GRIP2: variants seen among roughly 807,000 people sequenced by gnomAD.
GRIP2 encodes glutamate receptor-interacting protein 2.
Under a neutral mutation model 108.3 loss-of-function variants are expected in GRIP2, and 58 were observed. The observed-to-expected ratio is 0.54, with a 90% confidence interval of 0.43 to 0.67. The LOEUF is 0.67. GRIP2 is among the 30% of genes least tolerant of loss of function. The pLI is 0.00. For synonymous variants in GRIP2, 586 were observed against 598.2 expected (o/e 0.98, Z 0.30); for missense variants, 1,278 against 1,430.6 (o/e 0.89, Z 1.72).
rs923608243 is a variant in GRIP2 at position 14,490,957 on chromosome 3, G to A, written c.*2708C>T. The A allele has an allele frequency of 6.6e-6, 1 of 152,202 alleles. No homozygotes were observed. Among genetic ancestry groups the A allele is most frequent in the East Asian group, 1.9e-4 (1 of 5,184 alleles). The allele number at this position is 152,202 out of a possible 1,614,324, so 9.4% of individuals were successfully genotyped here. The stretch of plus-strand genomic sequence containing the variant: ...TGCCTTTTGAAATAATTATTTATTT[G>A]CTTACTTGTTGATTGTCTGCCTGCC... On this transcript the variant is annotated 3_prime_UTR_variant, in exon 24 of 24. Coordinates refer to ENST00000621039, the MANE Select transcript of GRIP2 (RefSeq NM_001080423.4).
chr3:14,493,918 C>T lies in GRIP2; in HGVS notation c.2971-92G>A, dbSNP rs1693491078. The T allele has an allele frequency of 2.9e-6, 4 of 1,373,812 alleles. No homozygotes were observed. The East Asian group carries it at 9.9e-5, about 34-fold the overall frequency. The allele number at this position is 1,373,812 out of a possible 1,614,324, so 85.1% of individuals were successfully genotyped here. ...GGCATGTGATGTCCTAAAGATGGGTCCTGCCCCAGCCTTGACGCAAGCCCT... is the reference window on the plus strand; with the variant it reads ...GGCATGTGATGTCCTAAAGATGGGTTCTGCCCCAGCCTTGACGCAAGCCCT... On this transcript the variant is annotated intron_variant, in intron 23 of 23. Transcript: ENST00000621039.
chr3:14,573,276 CG>C, the GRIP2 span: 4 of 1,408,392 alleles, frequency 2.8e-6, no homozygotes, highest in African/African-American at 5.7e-5. Context: ...CACCTCTGCT[CG>C]GTACAGCAGG....
Position 14,496,545 on chromosome 3 carries a change from C to T in GRIP2, c.2695G>A (p.Gly899Ser). 14 of 1,600,682 alleles carry T rather than the reference C, an allele frequency of 8.7e-6. No individual in the cohort carries two copies. The highest frequency in any genetic ancestry group is 1.2e-5 in the Non-Finnish European group (14 of 1,174,636). ...TCGAGGGCCACCCTCTGCACGGTGCCCGTCATGATGGATGCCTGCAAGGAA... is the reference window on the plus strand; with the variant it reads ...TCGAGGGCCACCCTCTGCACGGTGCTCGTCATGATGGATGCCTGCAAGGAA... ...LRELEASIMT[G>S]TVQRVALEGR... Residue 899 changes from glycine to serine, a missense_variant, in exon 22 of 24, where the codon GGC (glycine) becomes AGC (serine). Gly to Ser is a moderately conservative substitution (Grantham distance 56). Transcript: ENST00000621039.
chr3:14,559,438 T>C (rs1275686322), upstream of GRIP2, among the ~76,000 whole-genome samples: 203 of 76,002 alleles, frequency 2.7e-3, no homozygotes, highest in African/African-American at 7.2e-3. Flanking sequence ...AAAGAATTTA[T>C]CAAAAAAAAA....
At position 14,514,278 on chromosome 3, in the gene GRIP2, G is replaced by A. The variant is rs1378070466; in HGVS notation, c.1493+14C>T. On this transcript the variant is annotated intron_variant, in intron 12 of 23. Transcript: ENST00000621039. ...AGAGTGGCAGGCTCAGTAGGGAGGG[G>A]GCAGGAGGCTCACCTCTCAGCCGGA... 5.8e-6 allele frequency: 9 copies of A among 1,539,204 alleles called. No homozygotes were observed. The Admixed American group carries it at 6.0e-5, about 10-fold the overall frequency.
chr3:14,582,418 C>T, the GRIP2 span, among the ~76,000 whole-genome samples: 2 of 152,186 alleles, frequency 1.3e-5, no homozygotes, highest in Admixed American at 6.5e-5. Flanking sequence ...GATTTAGGGA[C>T]ATCTGGATGG....
chr3:14,521,370 C>T lies in GRIP2; in HGVS notation c.712+272G>A, dbSNP rs888337060. On this transcript the variant is annotated intron_variant, in intron 7 of 23. Transcript: ENST00000621039. The surrounding 1 kb of genome is among the most constrained non-coding windows in gnomAD (Gnocchi z 5.1). ...ATAGCACTTATTGCCAACTGACATACACCATATCTTATCTATTCTGGATAC... is the reference window on the plus strand; with the variant it reads ...ATAGCACTTATTGCCAACTGACATATACCATATCTTATCTATTCTGGATAC... 58 of 408,630 alleles carry T rather than the reference C, an allele frequency of 1.4e-4. No homozygotes were observed. In the East Asian group the frequency reaches 2.0e-3, roughly 14 times the overall value. 25.3% of individuals were successfully genotyped at this position (408,630 alleles called of 1,614,324 possible).
At chr3:14,501,631 C>G (rs992154249) in intron 21 of GRIP2, among the ~76,000 whole-genome samples, 4 of 152,186 alleles carry the variant, frequency 2.6e-5, no homozygotes, top group Non-Finnish European at 2.9e-5. Flanking sequence ...ATTTCATTAT[C>G]TTAAAAATAC....
chr3:14,588,884 T>A, the GRIP2 span, among the ~76,000 whole-genome samples: 2 of 152,132 alleles, frequency 1.3e-5, no homozygotes, highest in African/African-American at 4.8e-5. Context: ...GGGCTATCCA[T>A]CCAGGGACCT....
chr3:14,500,760 T>C (rs1454513362), intron 21 of GRIP2, among the ~76,000 whole-genome samples: 1 of 152,074 alleles, frequency 6.6e-6, no homozygotes, highest in Admixed American at 6.5e-5. Context: ...TCTTAAAGGA[T>C]GAGCTCAGAA....
chr3:14,518,136 G>A (rs924269833), intron 9 of GRIP2, among the ~76,000 whole-genome samples: 12 of 152,234 alleles, frequency 7.9e-5, no homozygotes, highest in African/African-American at 2.9e-4. Context: ...AAGCCAGGCC[G>A]AGGCCCACTG....
In GRIP2 at chr3:14,505,653, T is replaced by C; in HGVS notation, c.2535A>G (p.Pro845=). 1 of 1,609,850 alleles carries C rather than the reference T, an allele frequency of 6.2e-7. No homozygotes were observed. The highest frequency in any genetic ancestry group is 8.5e-7 in the Non-Finnish European group (1 of 1,178,108). Residue 845 remains proline (P), a synonymous_variant, in exon 20 of 24, where the codon CCA becomes CCG. Coordinates refer to ENST00000621039, the MANE Select transcript of GRIP2 (RefSeq NM_001080423.4). This position sits in a 1 kb window ranked among gnomAD's most constrained non-coding sequence, Gnocchi z 4.2. ...CCCAATCATCCTCCTCCTCCTCCTCTGGAAAGCTCTCGTCAGCTGGGGTTG... is the reference window on the plus strand; with the variant it reads ...CCCAATCATCCTCCTCCTCCTCCTCCGGAAAGCTCTCGTCAGCTGGGGTTG... ...YTPTPADESF[P]EEEEEDDWEP... is the part of the protein sequence containing the mutation.
the GRIP2 span, among the ~76,000 whole-genome samples, chr3:14,600,610 G>A: frequency 6.6e-6 from 1 of 152,152 alleles, no homozygotes; most frequent in Non-Finnish European, 1.5e-5. Context: ...CCCTGTCCCT[G>A]CATCTATCCC....
At chr3:14,544,201 T>C (rs999798404), upstream of GRIP2, among the ~76,000 whole-genome samples, 29 of 151,988 alleles carry the variant, frequency 1.9e-4, no homozygotes, top group Admixed American at 2.0e-4. Context: ...TTGGAAGCGT[T>C]TTGCAAACTC....
chr3:14,526,518 C>T (rs150264397), intron 1 of GRIP2, among the ~76,000 whole-genome samples: 3 of 152,322 alleles, frequency 2.0e-5, no homozygotes, highest in East Asian at 1.9e-4. Context: ...CATTCTCAGG[C>T]GTTCTAGGCA....
chr3:14,514,377 G>A lies in GRIP2; in HGVS notation c.1408C>T (p.Gln470Ter). The A allele has an allele frequency of 3.8e-6, 6 of 1,576,386 alleles. No homozygotes were observed. The highest frequency in any genetic ancestry group is 5.2e-6 in the Non-Finnish European group (6 of 1,162,184). ...CGDPLSGFGL[Q>*]LQGGIFATET... is the part of the protein sequence containing the mutation. The stretch of plus-strand genomic sequence containing the variant: ...GTGGCGAAGATGCCGCCCTGGAGCT[G>A]GAGGCCAAAGCCGCTGAGGGGGTCT... The change falls in exon 12 of 24, where the codon CAG (glutamine) becomes TAG (stop). Residue 470 changes from glutamine to a stop codon, truncating the protein, a stop_gained. Coordinates refer to ENST00000621039, the MANE Select transcript of GRIP2 (RefSeq NM_001080423.4). LOFTEE classifies it high-confidence loss of function.
Position 14,524,393 on chromosome 3 carries a change from C to T in GRIP2, c.403G>A (p.Ala135Thr), listed in dbSNP as rs967245593. 10 of 1,609,056 alleles carry T rather than the reference C, an allele frequency of 6.2e-6. No homozygotes were observed. The highest frequency in any genetic ancestry group is 1.3e-5 in the African/African-American group (1 of 74,870). Residue 135 changes from alanine to threonine, a missense_variant and splice_region_variant, in exon 4 of 24, where the codon GCT becomes ACT. By Grantham distance (58) the Ala-to-Thr change is moderately conservative. Transcript: ENST00000621039. ...AAGTTCCCCGTCCAAGGGCACCCAC[C>T]GGGCGGGGGCAGCTCATACTCCACC... ...LEVEYELPPP[A>T]PENNPRIISK...
In GRIP2 at chr3:14,492,783, G is replaced by A. The variant is rs1701365148; in HGVS notation, c.*882C>T. ...CCACATGGAGGGGCTTGGGCTGAGC[G>A]GACGTGCAGATGGGTCAGTGGCCAC... is the stretch of plus-strand genomic sequence containing the variant. On this transcript the variant is annotated 3_prime_UTR_variant, in exon 24 of 24. Coordinates refer to ENST00000621039, the MANE Select transcript of GRIP2 (RefSeq NM_001080423.4). 2 of 152,150 alleles carry A rather than the reference G, an allele frequency of 1.3e-5. No individual in the cohort carries two copies. Among genetic ancestry groups the A allele is most frequent in the Non-Finnish European group, 1.5e-5 (1 of 68,070 alleles). The allele number at this position is 152,150 out of a possible 1,614,324, so 9.4% of individuals were successfully genotyped here. A position where few individuals can be genotyped will look rare whatever the true frequency, so the allele number is the denominator to read the frequency against.
At chr3:14,567,212 A>C in the GRIP2 span, among the ~76,000 whole-genome samples, 21 of 152,316 alleles carry the variant, frequency 1.4e-4, no homozygotes, top group African/African-American at 4.8e-4. Context: ...GCTAGGACTC[A>C]TACCCAGGAC....
Sources: gnomAD v4.1 joint callset for allele counts (sites outside exome capture counted in the v4.1 genomes callset) on GRCh38, gnomAD v4.1.1 for gene constraint, Gnocchi (gnomAD v3.1) non-coding constraint, MANE v1.5 for transcripts, NCBI Gene and HGNC (gene_info 2026-07-23, HGNC 2026-07-21) for gene names.